Variants in PAM observed in about 807,000 individuals in gnomAD.
The protein encoded by PAM is peptidyl-glycine alpha-amidating monooxygenase.
A neutral mutation model predicts 122.1 loss-of-function variants in PAM; 72 were observed. The observed-to-expected ratio is 0.59, with a 90% CI of 0.49 to 0.72. The LOEUF is 0.72. Among genes scored for constraint, PAM ranks in the 30% least tolerant of loss-of-function variants. The probability of loss-of-function intolerance (pLI) is 0.00; values close to 1 mark genes in which losing one functional copy is unlikely to be tolerated. For synonymous variants in PAM, 389 were observed against 404.4 expected, an observed-to-expected ratio of 0.96 and a Z score of 0.46; for missense variants, 1,106 against 1,183.7, an observed-to-expected ratio of 0.93 and a Z score of 0.96.
intron 15 of PAM, among the ~76,000 whole-genome samples, chr5:102,977,258 A>G (rs1469370351): frequency 6.6e-6 from 1 of 152,002 alleles, no homozygotes; most frequent in Non-Finnish European, 1.5e-5. Context: ...CTTGTTTTCC[A>G]CCCTGGCATC....
At chr5:102,886,233 G>A (rs1793042204) in intron 3 of PAM, among the ~76,000 whole-genome samples, 1 of 151,960 alleles carries the variant, frequency 6.6e-6, no homozygotes, top group South Asian at 2.1e-4. Flanking sequence ...ATTAAATTAA[G>A]AATGATCTCT....
rs1330848345 is a variant in PAM at position 102,827,718 on chromosome 5, C to T, written c.-373-38105C>T. ...TTTTTGAGACGGAGTCTCGCTCTGT[C>T]GCCCAGGCCGGACTGCGGACTGCAG... On this transcript the variant is annotated intron_variant, in intron 1 of 25. Coordinates refer to ENST00000438793, the MANE Select transcript of PAM (RefSeq NM_001177306.2). Among the ~76,000 whole-genome samples the T allele has an allele frequency of 3.9e-4, 4 of 10,352 alleles. 1 individual carries two copies. Among genetic ancestry groups the T allele is most frequent in the Non-Finnish European group, 5.1e-4 (4 of 7,868 alleles). 6.8% of individuals were successfully genotyped at this position (10,352 alleles called of 152,430 possible). A position where few individuals can be genotyped will look rare whatever the true frequency, so the allele number is the denominator to read the frequency against.
intron 21 of PAM, 38 bp from the exon 22 acceptor site, chr5:103,017,296 G>T (rs773858684): frequency 4.8e-6 from 6 of 1,237,810 alleles, no homozygotes; most frequent in Non-Finnish European, 7.1e-6. Flanking sequence ...TTCAAGTAAA[G>T]GCTCACCACT....
Position 102,948,431 on chromosome 5 carries a change from C to T in PAM, c.629C>T (p.Pro210Leu). ...ATGATGTCTGTTGACACTGTTATCCCAGCAGGAGAAAAAGGTGAGTAATGA... is the reference window on the plus strand; with the variant it reads ...ATGATGTCTGTTGACACTGTTATCCTAGCAGGAGAAAAAGGTGAGTAATGA... ...YLMMSVDTVI[P>L]AGEKVVNSDI... The change falls in exon 9 of 26, where the codon CCA (proline) becomes CTA (leucine). Residue 210 changes from proline (P) to leucine (L), a missense_variant. Transcript: ENST00000438793. 1 of 1,558,718 alleles carries T rather than the reference C, an allele frequency of 6.4e-7. No homozygotes were observed. The highest frequency in any genetic ancestry group is 2.0e-4 in the Middle Eastern group (1 of 4,890).
chr5:102,813,184 T>C (rs929763247), intron 1 of PAM, among the ~76,000 whole-genome samples: 3 of 152,198 alleles, frequency 2.0e-5, no homozygotes, highest in Non-Finnish European at 4.4e-5. Context: ...CTTTACTTTG[T>C]TAAAAATTAT....
intron 1 of PAM, among the ~76,000 whole-genome samples, chr5:102,822,426 A>G (rs2150334566): frequency 6.6e-6 from 1 of 152,294 alleles, no homozygotes; most frequent in South Asian, 2.1e-4. Context: ...TCCAAGCGGG[A>G]CCATTTAGCC....
chr5:102,864,773 A>C (rs879526284), intron 1 of PAM, among the ~76,000 whole-genome samples: 1 of 152,202 alleles, frequency 6.6e-6, no homozygotes, highest in Non-Finnish European at 1.5e-5. Flanking sequence ...TTACTGACTA[A>C]AATAAAACTT....
chr5:102,811,978 T>G (rs1768061157), intron 1 of PAM, among the ~76,000 whole-genome samples: 1 of 152,212 alleles, frequency 6.6e-6, no homozygotes, highest in African/African-American at 2.4e-5. Context: ...CAAAACTGAT[T>G]TGGGACTGCA....
chr5:102,836,793 T>A (rs1777157111), intron 1 of PAM, among the ~76,000 whole-genome samples: 1 of 151,226 alleles, frequency 6.6e-6, no homozygotes, highest in Admixed American at 6.6e-5. Context: ...TATCTTGTAG[T>A]GAATGTGGAC....
chr5:102,846,969 A>G (rs1780108016), intron 1 of PAM, among the ~76,000 whole-genome samples: 1 of 152,192 alleles, frequency 6.6e-6, no homozygotes, highest in Admixed American at 6.6e-5. Context: ...CAAGTGGACA[A>G]TTAGCTATGG....
chr5:102,787,571 A>G (rs1283608220), intron 1 of PAM, among the ~76,000 whole-genome samples: 1 of 127,256 alleles, frequency 7.9e-6, no homozygotes, highest in African/African-American at 2.8e-5. Context: ...GGTACAGAAA[A>G]TAGGCTACTG....
At chr5:102,825,563 G>A (rs1415344493) in intron 1 of PAM, among the ~76,000 whole-genome samples, 1 of 152,142 alleles carries the variant, frequency 6.6e-6, no homozygotes, top group Non-Finnish European at 1.5e-5. Flanking sequence ...CAAGCTCCAG[G>A]AGTATGGGTT....
chr5:102,974,055 T>A (rs909147104), intron 14 of PAM, 61 bp from the exon 15 acceptor site: 113 of 1,146,298 alleles, frequency 9.9e-5, no homozygotes, highest in Non-Finnish European at 1.2e-4. Flanking sequence ...AGCACCAAAT[T>A]TTGTAAATTT....
chr5:102,945,323 G>A (rs1756670034), intron 7 of PAM, among the ~76,000 whole-genome samples: 1 of 151,862 alleles, frequency 6.6e-6, no homozygotes, highest in African/African-American at 2.4e-5. Context: ...AATTGTGCAG[G>A]ATTGAAAAAT....
At chr5:102,948,581 T>G in intron 9 of PAM, 136 bp downstream of exon 9, 1 of 551,980 alleles carries the variant, frequency 1.8e-6, no homozygotes, top group Non-Finnish European at 3.3e-6. Context: ...TACTTTATTG[T>G]CCTTGGATTT....
chr5:103,015,575 A>G (rs1781736262), intron 21 of PAM, among the ~76,000 whole-genome samples: 1 of 152,188 alleles, frequency 6.6e-6, no homozygotes. Context: ...ACAAAGCACT[A>G]GAACAGTTCA....
chr5:102,888,192 C>A (rs1296511138), intron 3 of PAM, among the ~76,000 whole-genome samples: 1 of 151,988 alleles, frequency 6.6e-6, no homozygotes, highest in Non-Finnish European at 1.5e-5. Flanking sequence ...GATAAACAGA[C>A]ATACGGGGCA....
In PAM at chr5:102,825,872, T is replaced by A. The variant is rs1054397396; in HGVS notation, c.-373-39951T>A. Among the ~76,000 whole-genome samples the A allele has an allele frequency of 5.3e-5, 8 of 152,244 alleles. No homozygotes were observed. The South Asian group carries it at 1.2e-3, about 24-fold the overall frequency. On this transcript the variant is annotated intron_variant, in intron 1 of 25. Transcript: ENST00000438793. ...CTAAAAAAGAAAAAGAAAATAATAC[T>A]GCTTTCTAGAGTTAGAGTATTATGA...
chr5:102,881,504 A>G (rs560065519), intron 3 of PAM, among the ~76,000 whole-genome samples: 1 of 152,202 alleles, frequency 6.6e-6, no homozygotes, highest in South Asian at 2.1e-4. Flanking sequence ...CTTTTTAGGA[A>G]AGTAGAGTTA....
Sources: allele counts gnomAD v4.1 joint callset (sites outside exome capture counted in the v4.1 genomes callset), GRCh38; gene constraint gnomAD v4.1.1; transcripts MANE v1.5; gene names NCBI Gene and HGNC (gene_info 2026-07-23, HGNC 2026-07-21).